SEMA3A: variants seen among roughly 807,000 people sequenced by gnomAD.
SEMA3A encodes the protein semaphorin-3A.
In SEMA3A, 29 loss-of-function variants were observed where a neutral mutation model predicts 97.9. The observed-to-expected ratio is 0.30, with a 90% CI of 0.22 to 0.40. The LOEUF (loss-of-function observed/expected upper bound fraction) is 0.40, where lower values mean the gene tolerates loss of function less well. Among genes scored for constraint, SEMA3A ranks in the 10% least tolerant of loss-of-function variants. The pLI is 1.00. For missense variants in SEMA3A, 763 were observed against 951.3 expected (o/e 0.80, Z 2.60); for synonymous variants, 321 against 323.7 (o/e 0.99, Z 0.09).
chr7:84,438,568 T>C (rs1462248549), intron 1 of SEMA3A, among the ~76,000 whole-genome samples: 3 of 152,084 alleles, frequency 2.0e-5, no homozygotes, highest in Admixed American at 6.6e-5. Flanking sequence ...AGCTACTTCA[T>C]TATGTGAATT....
At chr7:84,439,652 G>A (rs1562948704) in intron 1 of SEMA3A, among the ~76,000 whole-genome samples, 1 of 152,086 alleles carries the variant, frequency 6.6e-6, no homozygotes, top group Non-Finnish European at 1.5e-5. Flanking sequence ...TTAGATTAAG[G>A]CTATAAAAAG....
At chr7:84,132,117 T>C (rs967553178) in intron 2 of SEMA3A, among the ~76,000 whole-genome samples, 2 of 152,166 alleles carry the variant, frequency 1.3e-5, no homozygotes, top group African/African-American at 4.8e-5. Context: ...CCAGCTGATA[T>C]AAATTCTTAA....
At chr7:84,438,898 T>C (rs188131753) in intron 1 of SEMA3A, among the ~76,000 whole-genome samples, 33 of 152,234 alleles carry the variant, frequency 2.2e-4, no homozygotes, top group Middle Eastern at 6.8e-3. Context: ...TACTTCTTTA[T>C]TTCAGTTAAT....
At chr7:84,433,958 G>C (rs947917313) in intron 1 of SEMA3A, among the ~76,000 whole-genome samples, 1 of 151,996 alleles carries the variant, frequency 6.6e-6, no homozygotes, top group Non-Finnish European at 1.5e-5. Flanking sequence ...GTTCTTTGTA[G>C]ATTCTGGATA....
At chr7:84,414,744 G>C (rs561725864) in intron 1 of SEMA3A, among the ~76,000 whole-genome samples, 145 of 151,868 alleles carry the variant, frequency 9.5e-4, no homozygotes, top group African/African-American at 3.3e-3. Context: ...CAAAAAAAAG[G>C]CGAAATGAAC....
chr7:84,036,597 A>G (rs968607380), intron 6 of SEMA3A, among the ~76,000 whole-genome samples: 5 of 152,152 alleles, frequency 3.3e-5, no homozygotes, highest in African/African-American at 9.6e-5. Flanking sequence ...AGAAGAGACT[A>G]GACTTGAGAA....
chr7:84,393,443 T>A (rs959286430), intron 1 of SEMA3A, among the ~76,000 whole-genome samples: 2 of 152,094 alleles, frequency 1.3e-5, no homozygotes, highest in African/African-American at 4.8e-5. Flanking sequence ...GATTTCAAAC[T>A]ATAGTGAAAA....
chr7:84,340,468 T>C (rs1802137453), intron 2 of SEMA3A, among the ~76,000 whole-genome samples: 1 of 152,116 alleles, frequency 6.6e-6, no homozygotes, highest in Non-Finnish European at 1.5e-5. Context: ...TGTAATTGTT[T>C]CAACATTTCT....
rs559976289 is a variant in SEMA3A at position 84,464,440 on chromosome 7, T to G, written c.-246+28020A>C. 9.9e-5 allele frequency among the ~76,000 whole-genome samples: 15 copies of G among 152,260 alleles called. No homozygotes were observed. In the South Asian group the frequency reaches 3.1e-3, roughly 32 times the overall value. ...CTGGGAAGATATGGAGAAAGAACGT[T>G]CTAGGCAGAAAACAGAACCAATACA... On this transcript the variant is annotated intron_variant, in intron 1 of 3. Coordinates refer to the SEMA3A transcript ENST00000424555.
intron 3 of SEMA3A, among the ~76,000 whole-genome samples, chr7:84,113,511 T>C (rs1476989575): frequency 6.6e-6 from 1 of 152,154 alleles, no homozygotes; most frequent in East Asian, 1.9e-4. Context: ...TTTCTGACCT[T>C]TTCTTGAACC....
intron 1 of SEMA3A, among the ~76,000 whole-genome samples, chr7:84,138,151 G>A (rs1309785538): frequency 1.3e-5 from 2 of 152,058 alleles, no homozygotes; most frequent in African/African-American, 4.8e-5. Context: ...AATATTTGTA[G>A]GTTGATCTTC....
chr7:84,086,546 ACATAT>A (rs1794369285), intron 4 of SEMA3A, among the ~76,000 whole-genome samples: 3 of 59,050 alleles, frequency 5.1e-5, no homozygotes, highest in African/African-American at 7.0e-5. Flanking sequence ...TATTATATTT[ACATAT>A]AATATATTAT....
intron 3 of SEMA3A, among the ~76,000 whole-genome samples, chr7:84,305,301 T>C (rs1801127110): frequency 1.3e-5 from 2 of 151,000 alleles, no homozygotes; most frequent in South Asian, 4.2e-4. Context: ...CAATTTGAGA[T>C]GACCAGATAT....
chr7:84,137,864 T>C (rs991162186), intron 1 of SEMA3A, among the ~76,000 whole-genome samples: 17 of 152,182 alleles, frequency 1.1e-4, no homozygotes, highest in Admixed American at 4.6e-4. Context: ...GGAAAATAAA[T>C]ACTATAGCTA....
chr7:84,281,317 G>T (rs1419252655), intron 3 of SEMA3A, among the ~76,000 whole-genome samples: 2 of 152,134 alleles, frequency 1.3e-5, no homozygotes, highest in Non-Finnish European at 2.9e-5. Flanking sequence ...GGTGCTGAAA[G>T]GAAAGGCCAG....
At chr7:84,028,657 T>G (rs1791630013) in intron 6 of SEMA3A, among the ~76,000 whole-genome samples, 1 of 152,234 alleles carries the variant, frequency 6.6e-6, no homozygotes, top group African/African-American at 2.4e-5. Flanking sequence ...CAGGCTGGAG[T>G]GCAGTGGCAC....
At chr7:84,095,969 C>G (rs1222795589) in intron 4 of SEMA3A, among the ~76,000 whole-genome samples, 2 of 151,946 alleles carry the variant, frequency 1.3e-5, no homozygotes. Context: ...CCTGAAATTA[C>G]ATAATATAGT....
At chr7:84,056,941 A>C (rs1793007909) in intron 5 of SEMA3A, among the ~76,000 whole-genome samples, 1 of 152,190 alleles carries the variant, frequency 6.6e-6, no homozygotes, top group South Asian at 2.1e-4. Context: ...ATGCTATTAC[A>C]TTGTCTTATT....
chr7:84,422,355 G>A (rs2428807), intron 1 of SEMA3A, among the ~76,000 whole-genome samples: 48,254 of 151,700 alleles, frequency 0.32, 9,193 homozygotes, highest in African/African-American at 0.54. Context: ...TGTGGGATCA[G>A]TGGTGATATT....
Sources: allele counts gnomAD v4.1 joint callset (sites outside exome capture counted in the v4.1 genomes callset), GRCh38; gene constraint gnomAD v4.1.1; transcripts MANE v1.5; gene names NCBI Gene and HGNC (gene_info 2026-07-23, HGNC 2026-07-21).